MIPOL1: variants seen among roughly 807,000 people sequenced by gnomAD.
MIPOL1 encodes the protein mirror-image polydactyly 1.
A neutral mutation model predicts 60.9 loss-of-function variants in MIPOL1; 57 were observed. The ratio of observed to expected loss-of-function variants is 0.94; its 90% confidence interval spans 0.76 to 1.17. The LOEUF is 1.17. Ranked by LOEUF, MIPOL1 falls within the 50% of genes most tolerant of loss-of-function variation. The pLI is 0.00. For missense variants in MIPOL1, 551 were observed against 511.6 expected (o/e 1.08, Z -0.74); for synonymous variants, 179 against 168.8 (o/e 1.06, Z -0.47).
At chr14:37,451,653 T>C (rs1021706314) in intron 11 of MIPOL1, among the ~76,000 whole-genome samples, 1 of 152,026 alleles carries the variant, frequency 6.6e-6, no homozygotes, top group Non-Finnish European at 1.5e-5. Flanking sequence ...GAAAAAGCAT[T>C]GACATCCAAT....
intron 11 of MIPOL1, among the ~76,000 whole-genome samples, chr14:37,476,895 CTTTTTTTTTTT>C (rs869027204): frequency 3.4e-5 from 3 of 87,336 alleles, no homozygotes; most frequent in African/African-American, 5.1e-5. Flanking sequence ...CTTGTAATGT[CTTTTTTTTTTT>C]TTTTTTTTTT....
intron 11 of MIPOL1, among the ~76,000 whole-genome samples, chr14:37,472,533 C>T (rs146728021): frequency 2.0e-5 from 3 of 152,240 alleles, no homozygotes; most frequent in African/African-American, 7.2e-5. Flanking sequence ...TAAGTACCCC[C>T]ATCTAAGTAG....
At chr14:37,265,950 A>G (rs2082842482) in intron 3 of MIPOL1, among the ~76,000 whole-genome samples, 1 of 152,354 alleles carries the variant, frequency 6.6e-6, no homozygotes, top group African/African-American at 2.4e-5. Context: ...AAATAGAGCC[A>G]TGTCACACAG....
chr14:37,509,544 C>G (rs76986051), intron 12 of MIPOL1, among the ~76,000 whole-genome samples: 1 of 151,470 alleles, frequency 6.6e-6, no homozygotes, highest in Non-Finnish European at 1.5e-5. Context: ...GAACAGAGCA[C>G]GTTTCTACAG....
chr14:37,360,876 G>T (rs1457236103), intron 9 of MIPOL1, among the ~76,000 whole-genome samples: 1 of 152,006 alleles, frequency 6.6e-6, no homozygotes, highest in African/African-American at 2.4e-5. Context: ...GAATGTGTTT[G>T]CTCTTGCTTC....
intron 3 of MIPOL1, among the ~76,000 whole-genome samples, chr14:37,254,082 G>C (rs1042017446): frequency 1.8e-4 from 27 of 151,744 alleles, no homozygotes; most frequent in African/African-American, 6.5e-4. Context: ...ATATTTGAGA[G>C]AGTGGTTTTA....
intron 10 of MIPOL1, chr14:37,385,525 A>T (rs923945451): frequency 6.6e-6 from 1 of 152,118 alleles, no homozygotes; most frequent in African/African-American, 2.4e-5. Context: ...GTGGCCTAAG[A>T]ATGGCACAGG....
chr14:37,480,509 G>C (rs1466005268), intron 11 of MIPOL1, among the ~76,000 whole-genome samples: 1 of 149,062 alleles, frequency 6.7e-6, no homozygotes, highest in Non-Finnish European at 1.5e-5. Context: ...ATCCTTTCAT[G>C]ATTAAAAAAA....
rs985169658 is a variant in MIPOL1, at chr14:37,547,813, T to G, written c.*842T>G. 6.6e-6 allele frequency: 1 copy of G among 152,088 alleles called. No individual in the cohort carries two copies. Among genetic ancestry groups the G allele is most frequent in the Non-Finnish European group, 1.5e-5 (1 of 67,924 alleles). 9.4% of individuals were successfully genotyped at this position (152,088 alleles called of 1,614,324 possible). A position where few individuals can be genotyped will look rare whatever the true frequency, so the allele number is the denominator to read the frequency against. On this transcript the variant is annotated 3_prime_UTR_variant, in exon 13 of 13. Coordinates refer to ENST00000684589, the MANE Select transcript of MIPOL1 (RefSeq NM_001388067.1). ...CTATTAAGTATTCTTATTGTTTATC[T>G]TTTTTTAATTGCCATTTGATTTTTA...
chr14:37,272,429 G>C (rs1278238005), intron 6 of MIPOL1, among the ~76,000 whole-genome samples: 38 of 151,404 alleles, frequency 2.5e-4, no homozygotes, highest in Admixed American at 2.5e-3. Context: ...AAATTCATTG[G>C]TTTAAAACAA....
chr14:37,245,821 G>C (rs1047238170), intron 1 of MIPOL1, among the ~76,000 whole-genome samples: 4 of 152,156 alleles, frequency 2.6e-5, no homozygotes, highest in Middle Eastern at 3.4e-3. Flanking sequence ...CAGGCTTTTT[G>C]GTTATAGCAT....
intron 3 of MIPOL1, among the ~76,000 whole-genome samples, chr14:37,249,602 CTG>C (rs1212899950): frequency 6.6e-6 from 1 of 151,974 alleles, no homozygotes; most frequent in Admixed American, 6.6e-5. Context: ...TATATAATAT[CTG>C]GGTAAGATAG....
At chr14:37,258,784 A>G (rs1975388420) in intron 3 of MIPOL1, among the ~76,000 whole-genome samples, 1 of 152,132 alleles carries the variant, frequency 6.6e-6, no homozygotes, top group Admixed American at 6.6e-5. Flanking sequence ...AAGAAATCGG[A>G]ACTTTTCCTC....
chr14:37,429,981 T>C (rs561727336), intron 11 of MIPOL1, among the ~76,000 whole-genome samples: 303 of 152,260 alleles, frequency 2.0e-3, no homozygotes, highest in Non-Finnish European at 3.4e-3. Flanking sequence ...TGCAAATCCC[T>C]CACCAAGAGT....
chr14:37,511,025 A>G (rs1048425563), intron 12 of MIPOL1, among the ~76,000 whole-genome samples: 4 of 152,206 alleles, frequency 2.6e-5, no homozygotes, highest in African/African-American at 7.2e-5. Context: ...CTTTGGTAAT[A>G]GTAGAGACTA....
intron 12 of MIPOL1, among the ~76,000 whole-genome samples, chr14:37,530,518 C>T (rs1424474165): frequency 6.6e-6 from 1 of 152,094 alleles, no homozygotes; most frequent in Non-Finnish European, 1.5e-5. Context: ...AACCCCATTT[C>T]CCAAATAATT....
chr14:37,236,628 G>A (rs1359121187), intron 1 of MIPOL1, among the ~76,000 whole-genome samples: 2 of 151,880 alleles, frequency 1.3e-5, no homozygotes, highest in Non-Finnish European at 2.9e-5. Flanking sequence ...AGTAGAGACG[G>A]GGTTTCTCTA....
intron 6 of MIPOL1, among the ~76,000 whole-genome samples, chr14:37,272,789 A>G (rs2083389191): frequency 6.6e-6 from 1 of 151,630 alleles, no homozygotes; most frequent in Non-Finnish European, 1.5e-5. Context: ...ACGCACACAT[A>G]CATAAGTATT....
In MIPOL1 at chr14:37,446,073, G is replaced by C. The variant is rs1204627149; in HGVS notation, c.1031+23124G>C. Among the ~76,000 whole-genome samples, 4 of 152,162 alleles carry C rather than the reference G, an allele frequency of 2.6e-5. No individual in the cohort carries two copies. In the South Asian group the frequency reaches 6.2e-4, roughly 24 times the overall value. On this transcript the variant is annotated intron_variant, in intron 11 of 12. Transcript: ENST00000684589. ...GCAACAAAAGCCAAAATTGACAAAT[G>C]GGATCTAATTAAATGAAAGAGCTTC...
Sources: allele counts gnomAD v4.1 joint callset (sites outside exome capture counted in the v4.1 genomes callset), GRCh38; gene constraint gnomAD v4.1.1; transcripts MANE v1.5; gene names NCBI Gene and HGNC (gene_info 2026-07-23, HGNC 2026-07-21).